The following ZNF865 variants were observed in gnomAD, a reference collection of about 807,000 sequenced individuals.
ZNF865 encodes zinc finger protein 865.
For synonymous variants in ZNF865, 763 were observed against 750.8 expected (o/e 1.02, Z -0.27); for missense variants, 1,311 against 1,593.4 (o/e 0.82, Z 3.02).
chr19:55,606,644 T>C (rs1980954290), intron 1 of ZNF865, among the ~76,000 whole-genome samples: 2 of 152,250 alleles, frequency 1.3e-5, no homozygotes, highest in Non-Finnish European at 2.9e-5. Context: ...GCTCTCAGGC[T>C]ATCGTCCTGG....
Position 55,613,803 on chromosome 19 carries a change from C to T in ZNF865, c.185C>T (p.Pro62Leu). Residue 62 changes from proline (P) to leucine (L), a missense_variant, in exon 2 of 2, where the codon CCC (proline) becomes CTC (leucine). By Grantham distance (98) the Pro-to-Leu change is moderately conservative. Transcript: ENST00000568956. ...GCGGTGGCGGCCCTGCCCTGCGCCCCCGGCCCCCCGCCGCAGCCCCCGCCG... is the reference window on the plus strand; with the variant it reads ...GCGGTGGCGGCCCTGCCCTGCGCCCTCGGCCCCCCGCCGCAGCCCCCGCCG... ...AKAVAALPCAPGPPPQPPPQP... is the reference protein window; with the variant it reads ...AKAVAALPCALGPPPQPPPQP... The T allele has an allele frequency of 1.3e-6, 2 of 1,511,872 alleles. No homozygotes were observed. The highest frequency in any genetic ancestry group is 1.8e-6 in the Non-Finnish European group (2 of 1,134,742). The allele number at this position is 1,511,872 out of a possible 1,614,324, so 93.7% of individuals were successfully genotyped here.
chr19:55,609,284 G>C (rs1263457621), intron 1 of ZNF865, among the ~76,000 whole-genome samples: 1 of 152,142 alleles, frequency 6.6e-6, no homozygotes, highest in Non-Finnish European at 1.5e-5. Context: ...GCCTCCCAAA[G>C]TGCTGGCATT....
Position 55,616,735 on chromosome 19 carries a change from C to G in ZNF865, c.3117C>G (p.His1039Gln). The G allele has an allele frequency of 6.6e-7, 1 of 1,503,862 alleles. No homozygotes were observed. Among genetic ancestry groups the G allele is most frequent in the Non-Finnish European group, 8.8e-7 (1 of 1,131,512 alleles). The allele number at this position is 1,503,862 out of a possible 1,614,324, so 93.2% of individuals were successfully genotyped here. A position where few individuals can be genotyped will look rare whatever the true frequency, so the allele number is the denominator to read the frequency against. The change falls in exon 2 of 2, where the codon CAC (histidine) becomes CAG (glutamine). Residue 1039 changes from histidine (H) to glutamine (Q), a missense_variant. By Grantham distance (24) the His-to-Gln change is conservative (BLOSUM62 0). Transcript: ENST00000568956. ...GCCTCAAGAAACACCGCCTGGCGCA[C>G]AAGGCCGAGAACCTCGGGGGGCCTG... ...TYGLKKHRLA[H>Q]KAENLGGPGA...
Position 55,615,275 on chromosome 19 carries a change from G to T in ZNF865, c.1657G>T (p.Gly553Cys), listed in dbSNP as rs1363348887. Residue 553 changes from glycine (G) to cysteine (C), a missense_variant, in exon 2 of 2, where the codon GGC (glycine) becomes TGC (cysteine). Physicochemically the swap from Gly to Cys is radical, Grantham distance 159 (BLOSUM62 -3). Coordinates refer to ENST00000568956, the MANE Select transcript of ZNF865 (RefSeq NM_001195605.2). The stretch of plus-strand genomic sequence containing the variant: ...CGTCCCAGGAAAGACGTTCTGCTGC[G>T]GCATCTGCGGGCGCGGCTTCGGGCG... ...ASVPGKTFCC[G>C]ICGRGFGRRE... is the part of the protein sequence containing the mutation. 6.6e-7 allele frequency: 1 copy of T among 1,525,026 alleles called. No individual in the cohort carries two copies. Among genetic ancestry groups the T allele is most frequent in the African/African-American group, 1.4e-5 (1 of 71,194 alleles). 94.5% of individuals were successfully genotyped at this position (1,525,026 alleles called of 1,614,324 possible). A position where few individuals can be genotyped will look rare whatever the true frequency, so the allele number is the denominator to read the frequency against.
chr19:55,613,948 A>G lies in ZNF865; in HGVS notation c.330A>G (p.Ser110=). ...CCTCCTCTTCGTCCTCCTCGTCGTC[A>G]TCTTCGTCCTCTTCCTCTTCCCAAG... ...SSSSSSSSSS[S]SSSSSSSQAK... Residue 110 remains serine, a synonymous_variant, in exon 2 of 2, where the codon TCA becomes TCG. Coordinates refer to ENST00000568956, the MANE Select transcript of ZNF865 (RefSeq NM_001195605.2). 1 of 1,531,270 alleles carries G rather than the reference A, an allele frequency of 6.5e-7. No individual in the cohort carries two copies. Among genetic ancestry groups the G allele is most frequent in the Non-Finnish European group, 8.7e-7 (1 of 1,144,756 alleles). The allele number at this position is 1,531,270 out of a possible 1,614,324, so 94.9% of individuals were successfully genotyped here.
At chr19:55,607,280 G>A (rs1386423580) in intron 1 of ZNF865, among the ~76,000 whole-genome samples, 1 of 152,098 alleles carries the variant, frequency 6.6e-6, no homozygotes, top group Non-Finnish European at 1.5e-5. Flanking sequence ...GAGTGGATAT[G>A]CTAGTTGAGG....
Position 55,615,641 on chromosome 19 carries a change from G to C in ZNF865, c.2023G>C (p.Gly675Arg). The change falls in exon 2 of 2, where the codon GGC becomes CGC. Residue 675 changes from glycine (G) to arginine (R), a missense_variant. Gly to Arg is a moderately radical substitution (Grantham distance 125). Transcript: ENST00000568956. ...GCTGAGCTACGCCTGCTCGGACTGC[G>C]GCGAGCACTTCCCGGATCTCTTTCA... ...DGLSYACSDC[G>R]EHFPDLFHVM... is the part of the protein sequence containing the mutation. The C allele has an allele frequency of 6.5e-7, 1 of 1,534,616 alleles. No homozygotes were observed.
rs2123587281 is a variant in ZNF865 at position 55,611,742 on chromosome 19, C to T, written c.-26-1851C>T. Among the ~76,000 whole-genome samples the T allele has an allele frequency of 6.6e-6, 1 of 152,298 alleles. No individual in the cohort carries two copies. The highest frequency in any genetic ancestry group is 2.4e-5 in the African/African-American group (1 of 41,566). On this transcript the variant is annotated intron_variant, in intron 1 of 1. Coordinates refer to ENST00000568956, the MANE Select transcript of ZNF865 (RefSeq NM_001195605.2). The surrounding 1 kb of genome is among the most constrained non-coding windows in gnomAD (Gnocchi z 4.5). The stretch of plus-strand genomic sequence containing the variant: ...CCCCATAGCGGGCTGGGCTTAGAGC[C>T]TGGCCCCCATCGGGTAGGGATGATG...
chr19:55,615,536 G>C lies in ZNF865; in HGVS notation c.1918G>C (p.Ala640Pro). 6.6e-7 allele frequency: 1 copy of C among 1,507,200 alleles called. No homozygotes were observed. Among genetic ancestry groups the C allele is most frequent in the African/African-American group, 1.4e-5 (1 of 71,322 alleles). 93.4% of individuals were successfully genotyped at this position (1,507,200 alleles called of 1,614,324 possible). A position where few individuals can be genotyped will look rare whatever the true frequency, so the allele number is the denominator to read the frequency against. Residue 640 changes from alanine (A) to proline (P), a missense_variant, in exon 2 of 2, where the codon GCC (alanine) becomes CCC (proline). Coordinates refer to ENST00000568956, the MANE Select transcript of ZNF865 (RefSeq NM_001195605.2). ...GCTGCCCTGCGCCCTGGCCGGGGCA[G>C]CCGGCCTCCCCTCCACCCAAGGCAC... is the stretch of plus-strand genomic sequence containing the variant. ...LQLPCALAGA[A>P]GLPSTQGTPG... is the part of the protein sequence containing the mutation.
chr19:55,608,772 A>G (rs1981031853), intron 1 of ZNF865, among the ~76,000 whole-genome samples: 1 of 152,190 alleles, frequency 6.6e-6, no homozygotes, highest in Non-Finnish European at 1.5e-5. Context: ...CCTAAGTACA[A>G]TGCTTGTTAG....
chr19:55,609,356 A>T (rs1341734221), intron 1 of ZNF865, among the ~76,000 whole-genome samples: 2 of 152,130 alleles, frequency 1.3e-5, no homozygotes, highest in Non-Finnish European at 2.9e-5. Flanking sequence ...TCTGGCCCTC[A>T]GTCTCTTCCT....
intron 1 of ZNF865, among the ~76,000 whole-genome samples, chr19:55,613,370 A>ATC (rs1981206157): frequency 6.6e-6 from 1 of 152,092 alleles, no homozygotes; most frequent in Non-Finnish European, 1.5e-5. Flanking sequence ...GGGAGTTGAG[A>ATC]ACACAGAGAG....
rs1245991168 is a variant in ZNF865, at chr19:55,614,668, C to A, written c.1050C>A (p.Phe350Leu). The change falls in exon 2 of 2, where the codon TTC becomes TTA. Residue 350 changes from phenylalanine (F) to leucine (L), a missense_variant. By Grantham distance (22) the Phe-to-Leu change is conservative (BLOSUM62 0). Transcript: ENST00000568956. The surrounding 1 kb of genome is among the most constrained non-coding windows in gnomAD (Gnocchi z 8.0). ...PPATGGGDGPFACPLCWKVFK... is the reference protein window; with the variant it reads ...PPATGGGDGPLACPLCWKVFK... The stretch of plus-strand genomic sequence containing the variant: ...CCACCGGGGGTGGCGATGGCCCGTT[C>A]GCCTGCCCACTCTGCTGGAAGGTTT... 2 of 1,548,498 alleles carry A rather than the reference C, an allele frequency of 1.3e-6. No individual in the cohort carries two copies. The highest frequency in any genetic ancestry group is 3.9e-5 in the Admixed American group (2 of 51,914).
In ZNF865 at chr19:55,615,904, G is replaced by A. The variant is rs1330608377; in HGVS notation, c.2286G>A (p.Ala762=). The A allele has an allele frequency of 4.1e-6, 6 of 1,474,764 alleles. No homozygotes were observed. The Admixed American group carries it at 1.2e-4, about 29-fold the overall frequency. 91.4% of individuals were successfully genotyped at this position (1,474,764 alleles called of 1,614,324 possible). The change falls in exon 2 of 2, where the codon GCG becomes GCA. Residue 762 remains alanine, a synonymous_variant. Coordinates refer to ENST00000568956, the MANE Select transcript of ZNF865 (RefSeq NM_001195605.2). Reference sequence around the variant, plus strand: ...CGGGGGAGGTGGGGGCGGCCGTGGCGGCACTGGCAGGGGTGTCTGGGGGTG... The same window carrying A: ...CGGGGGAGGTGGGGGCGGCCGTGGCAGCACTGGCAGGGGTGTCTGGGGGTG... ...GLAGEVGAAV[A]ALAGVSGGED...
At chr19:55,613,540 C>T (rs962169629) in intron 1 of ZNF865, 53 bp from the exon 2 acceptor site, 16 of 1,408,034 alleles carry the variant, frequency 1.1e-5, no homozygotes, top group East Asian at 2.5e-5. Flanking sequence ...CATTCACCTG[C>T]GGGGAGACCC....
rs1352963413 is a variant in ZNF865 at position 55,615,569 on chromosome 19, G to A, written c.1951G>A (p.Ala651Thr). 11 of 1,528,366 alleles carry A rather than the reference G, an allele frequency of 7.2e-6. No individual in the cohort carries two copies. The Admixed American group carries it at 8.0e-5, about 11-fold the overall frequency. The allele number at this position is 1,528,366 out of a possible 1,614,324, so 94.7% of individuals were successfully genotyped here. The change falls in exon 2 of 2, where the codon GCC becomes ACC. Residue 651 changes from alanine (A) to threonine (T), a missense_variant. By Grantham distance (58) the Ala-to-Thr change is moderately conservative. Coordinates refer to ENST00000568956, the MANE Select transcript of ZNF865 (RefSeq NM_001195605.2). Reference sequence around the variant, plus strand: ...CCCCTCCACCCAAGGCACACCGGGGGCCTGTGGGCCCGGGGCCTCGGGCAC... The same window carrying A: ...CCCCTCCACCCAAGGCACACCGGGGACCTGTGGGCCCGGGGCCTCGGGCAC... The part of the protein sequence containing the change: ...GLPSTQGTPG[A>T]CGPGASGTSA...
rs1332643396 is a variant in ZNF865 at position 55,614,585 on chromosome 19, C to A, written c.967C>A (p.Pro323Thr). 6.6e-7 allele frequency: 1 copy of A among 1,515,498 alleles called. No homozygotes were observed. Among genetic ancestry groups the A allele is most frequent in the Non-Finnish European group, 8.8e-7 (1 of 1,137,602 alleles). The allele number at this position is 1,515,498 out of a possible 1,614,324, so 93.9% of individuals were successfully genotyped here. A position where few individuals can be genotyped will look rare whatever the true frequency, so the allele number is the denominator to read the frequency against. ...GGGCCCTCCAGCCACGCCCGTGGCG[C>A]CTGCCCCCTCCGCAGACGGGAGCGC... The part of the protein sequence containing the change: ...SSGPPATPVA[P>T]APSADGSAAP... The change falls in exon 2 of 2, where the codon CCT (proline) becomes ACT (threonine). Residue 323 changes from proline to threonine, a missense_variant. Physicochemically the swap from Pro to Thr is conservative, Grantham distance 38 (BLOSUM62 -1). Coordinates refer to ENST00000568956, the MANE Select transcript of ZNF865 (RefSeq NM_001195605.2). The surrounding 1 kb of genome is among the most constrained non-coding windows in gnomAD (Gnocchi z 8.0).
chr19:55,607,608 G>A (rs1383726331), intron 1 of ZNF865, among the ~76,000 whole-genome samples: 1 of 152,126 alleles, frequency 6.6e-6, no homozygotes, highest in Non-Finnish European at 1.5e-5. Flanking sequence ...AGAATATCAC[G>A]GGATAAAGAG....
At position 55,613,673 on chromosome 19, in the gene ZNF865, G is replaced by A. The variant is rs1381049144; in HGVS notation, c.55G>A (p.Gly19Arg). 1.3e-6 allele frequency: 2 copies of A among 1,530,770 alleles called. No homozygotes were observed. The highest frequency in any genetic ancestry group is 4.9e-5 in the East Asian group (2 of 40,768). The allele number at this position is 1,530,770 out of a possible 1,614,324, so 94.8% of individuals were successfully genotyped here. The part of the protein sequence containing the change: ...GAGGGGSSGI[G>R]GEDGVHFQSY... ...CGGGGGTGGCGGGAGCAGCGGCATCGGGGGCGAGGACGGGGTGCACTTCCA... is the reference window on the plus strand; with the variant it reads ...CGGGGGTGGCGGGAGCAGCGGCATCAGGGGCGAGGACGGGGTGCACTTCCA... The change falls in exon 2 of 2, where the codon GGG (glycine) becomes AGG (arginine). Residue 19 changes from glycine (G) to arginine (R), a missense_variant. Gly to Arg is a moderately radical substitution (Grantham distance 125). Coordinates refer to ENST00000568956, the MANE Select transcript of ZNF865 (RefSeq NM_001195605.2).
Sources: allele counts gnomAD v4.1 joint callset (sites outside exome capture counted in the v4.1 genomes callset), GRCh38; gene constraint gnomAD v4.1.1; non-coding constraint Gnocchi (gnomAD v3.1); transcripts MANE v1.5; gene names NCBI Gene and HGNC (gene_info 2026-07-23, HGNC 2026-07-21).